B4GALT1: variants seen among roughly 807,000 people sequenced by gnomAD.
The protein encoded by B4GALT1 is beta-1,4-galactosyltransferase 1, also known as N-acetyllactosamine synthase.
Under a neutral mutation model 34.9 loss-of-function variants are expected in B4GALT1, and 16 were observed. The observed-to-expected ratio is 0.46, with a 90% CI of 0.31 to 0.70. The LOEUF is 0.70. B4GALT1 is among the 30% of genes least tolerant of loss of function. The pLI, the probability that B4GALT1 is intolerant of heterozygous loss-of-function variation, is 0.05. For synonymous variants in B4GALT1, 221 were observed against 218.1 expected (o/e 1.01, Z -0.12); for missense variants, 445 against 530.5 (o/e 0.84, Z 1.58).
intron 2 of B4GALT1, among the ~76,000 whole-genome samples, chr9:33,123,142 G>C (rs943277093): frequency 2.0e-5 from 3 of 152,076 alleles, no homozygotes; most frequent in Admixed American, 2.0e-4. Context: ...GCTGGGTGTG[G>C]TGGCGGGCGC....
At chr9:33,115,866 G>A (rs1049638930) in intron 4 of B4GALT1, 125 bp downstream of exon 4, 9 of 1,276,580 alleles carry the variant, frequency 7.1e-6, no homozygotes, top group Non-Finnish European at 1.0e-5. Context: ...CCACACCTAA[G>A]AATGTGGGCT....
At chr9:33,137,983 C>T (rs1840294951) in intron 1 of B4GALT1, among the ~76,000 whole-genome samples, 1 of 152,226 alleles carries the variant, frequency 6.6e-6, no homozygotes, top group African/African-American at 2.4e-5. Flanking sequence ...ACATCTGCAG[C>T]CCCCACCCCA....
intron 1 of B4GALT1, among the ~76,000 whole-genome samples, chr9:33,162,663 T>C (rs1840691038): frequency 6.6e-6 from 1 of 152,224 alleles, no homozygotes; most frequent in Non-Finnish European, 1.5e-5. Context: ...AATCCCATCG[T>C]GGAATGCTAC....
At chr9:33,162,302 G>T (rs1000509021) in intron 1 of B4GALT1, among the ~76,000 whole-genome samples, 46 of 152,134 alleles carry the variant, frequency 3.0e-4, no homozygotes, top group Non-Finnish European at 8.8e-5. Flanking sequence ...GGAGGGGAGT[G>T]ATAGGGAAGG....
chr9:33,135,092 T>G, intron 2 of B4GALT1, 97 bp downstream of exon 2: 1 of 1,285,754 alleles, frequency 7.8e-7, no homozygotes, highest in Non-Finnish European at 1.1e-6. Context: ...CAGGTGTCTG[T>G]GAAATCACTC....
In B4GALT1 at chr9:33,154,303, A is replaced by G. The variant is rs183164485; in HGVS notation, c.412+12455T>C. Among the ~76,000 whole-genome samples the G allele has an allele frequency of 3.3e-3, 497 of 152,312 alleles. 5 individuals are homozygous for G. The highest frequency in any genetic ancestry group is 5.1e-3 in the Non-Finnish European group (350 of 68,022). On this transcript the variant is annotated intron_variant, in intron 1 of 5. Transcript: ENST00000379731. ...TGACAAAACCCATCACCTTTTCATG[A>G]TAAAAATACTCAACAAACCAGGAAT...
chr9:33,167,140 G>T lies in B4GALT1; in HGVS notation c.30C>A (p.Gly10=). 6.2e-7 allele frequency: 1 copy of T among 1,600,104 alleles called. No individual in the cohort carries two copies. ...GGGACGCGCCTGGCATCGCGGCGCT[G>T]CCGCTCAGGAGCGGCTCCCGAAGCC... is the stretch of plus-strand genomic sequence containing the variant. The part of the protein sequence containing the change: MRLREPLLS[G]SAAMPGASLQ... Residue 10 remains glycine, a synonymous_variant, in exon 1 of 6, where the codon GGC becomes GGA. Coordinates refer to ENST00000379731, the MANE Select transcript of B4GALT1 (RefSeq NM_001497.4).
rs571039720 is a variant in B4GALT1, at chr9:33,134,293, T to C, written c.648+896A>G. Among the ~76,000 whole-genome samples, 197 of 152,308 alleles carry C rather than the reference T, an allele frequency of 1.3e-3. 1 individual carries two copies. Among genetic ancestry groups the C allele is most frequent in the Non-Finnish European group, 2.2e-3 (152 of 68,030 alleles). ...ACCTAAAGCAGAGTTTATCTCGAAA[T>C]GAAATGGACATTGGGCCTTGTAGAA... On this transcript the variant is annotated intron_variant, in intron 2 of 5. Coordinates refer to ENST00000379731, the MANE Select transcript of B4GALT1 (RefSeq NM_001497.4).
chr9:33,147,788 T>C (rs185729995), intron 1 of B4GALT1, among the ~76,000 whole-genome samples: 8 of 152,282 alleles, frequency 5.3e-5, no homozygotes, highest in Non-Finnish European at 8.8e-5. Context: ...ATATAATAGA[T>C]GCAGGAGGCT....
intron 1 of B4GALT1, among the ~76,000 whole-genome samples, chr9:33,162,041 A>G (rs751181121): frequency 6.6e-6 from 1 of 152,238 alleles, no homozygotes; most frequent in East Asian, 1.9e-4. Flanking sequence ...TAACTGCCCC[A>G]TAATTCCCAA....
In B4GALT1 at chr9:33,120,399, T is replaced by G; in HGVS notation, c.836+20A>C. ...TGAGAGAGACATGTTTACCACAGATTCTGACTGAGTATCTCTTACCTGAAT... is the reference window on the plus strand; with the variant it reads ...TGAGAGAGACATGTTTACCACAGATGCTGACTGAGTATCTCTTACCTGAAT... On this transcript the variant is annotated intron_variant, in intron 3 of 5. Transcript: ENST00000379731. The G allele has an allele frequency of 6.2e-7, 1 of 1,612,036 alleles. No homozygotes were observed. The highest frequency in any genetic ancestry group is 8.5e-7 in the Non-Finnish European group (1 of 1,179,650).
intron 2 of B4GALT1, 79 bp from the exon 3 acceptor site, chr9:33,120,685 C>T: frequency 1.4e-6 from 2 of 1,433,552 alleles, no homozygotes; most frequent in Non-Finnish European, 9.7e-7. Flanking sequence ...GGTGACTTGT[C>T]CACTACACAT....
chr9:33,135,905 G>GTGTTTA (rs1554686828), intron 1 of B4GALT1, among the ~76,000 whole-genome samples: 1 of 85,932 alleles, frequency 1.2e-5, no homozygotes, highest in Non-Finnish European at 2.9e-5. Context: ...GTGTGTGTGT[G>GTGTTTA]TGTGTATGTG....
intron 4 of B4GALT1, among the ~76,000 whole-genome samples, chr9:33,115,110 C>G (rs1839920439): frequency 6.6e-6 from 1 of 152,248 alleles, no homozygotes; most frequent in African/African-American, 2.4e-5. Context: ...TGTGCACACA[C>G]TTGATACCCC....
downstream of B4GALT1, among the ~76,000 whole-genome samples, chr9:33,106,118 C>T (rs1587722760): frequency 6.6e-6 from 1 of 152,246 alleles, no homozygotes; most frequent in East Asian, 1.9e-4. Context: ...TTCTTTTACC[C>T]TGAATCAACA....
intron 2 of B4GALT1, among the ~76,000 whole-genome samples, chr9:33,127,901 A>C (rs1051168321): frequency 6.6e-6 from 1 of 152,172 alleles, no homozygotes; most frequent in African/African-American, 2.4e-5. Context: ...TTTCCGAGAG[A>C]GCCCACAGAG....
At chr9:33,174,991 ATATATATATATAT>A in the B4GALT1 span, among the ~76,000 whole-genome samples, 1 of 15,280 alleles carries the variant, frequency 6.5e-5, no homozygotes, top group Non-Finnish European at 1.5e-4. Flanking sequence ...AAAAAAAAAA[ATATATATATATAT>A]ATATATATAT....
intron 2 of B4GALT1, among the ~76,000 whole-genome samples, chr9:33,122,159 T>C (rs34888597): frequency 0.11 from 17,079 of 150,816 alleles, 1,118 homozygotes; most frequent in African/African-American, 0.17. Context: ...AAGTGTGTCA[T>C]AGGGGCTTGC....
the B4GALT1 span, among the ~76,000 whole-genome samples, chr9:33,181,034 A>G: frequency 6.6e-6 from 1 of 152,190 alleles, no homozygotes; most frequent in Non-Finnish European, 1.5e-5. Flanking sequence ...CAGCACTGTG[A>G]TCTGGCAGTT....
Sources: allele counts gnomAD v4.1 joint callset (sites outside exome capture counted in the v4.1 genomes callset), GRCh38; gene constraint gnomAD v4.1.1; transcripts MANE v1.5; gene names NCBI Gene and HGNC (gene_info 2026-07-23, HGNC 2026-07-21).